Variants in WDFY4 observed in about 807,000 individuals in gnomAD.
WDFY4 encodes the protein WDFY family member 4, also known as WD repeat- and FYVE domain-containing protein 4.
Under a neutral mutation model 351.9 loss-of-function variants are expected in WDFY4, and 169 were observed. The ratio of observed to expected loss-of-function variants is 0.48; its 90% CI spans 0.42 to 0.55. WDFY4 has a LOEUF of 0.55. Among genes scored for constraint, WDFY4 ranks in the 20% least tolerant of loss-of-function variants. The probability of loss-of-function intolerance (pLI) is 0.00; values close to 1 mark genes in which losing one functional copy is unlikely to be tolerated. For missense variants in WDFY4, 3,803 were observed against 3,935.6 expected (o/e 0.97, Z 0.90); for synonymous variants, 1,622 against 1,574.6 (o/e 1.03, Z -0.71).
chr10:48,704,883 G>A (rs1300171664), intron 1 of WDFY4, among the ~76,000 whole-genome samples: 1 of 152,264 alleles, frequency 6.6e-6, no homozygotes, highest in African/African-American at 2.4e-5. Context: ...CCTGCACTAA[G>A]TAGGTGCCAG....
In WDFY4 at chr10:48,982,547, G is replaced by A. The variant is rs1211627713; in HGVS notation, c.9527G>A (p.Arg3176Lys). 1 of 1,541,432 alleles carries A rather than the reference G, an allele frequency of 6.5e-7. No individual in the cohort carries two copies. The highest frequency in any genetic ancestry group is 8.8e-7 in the Non-Finnish European group (1 of 1,140,508). Reference sequence around the variant, plus strand: ...CTCCTGGTTGGTGATGAGAGGGGGAGAATATTCTGCTGGTCTGCAGATGGG... The same window carrying A: ...CTCCTGGTTGGTGATGAGAGGGGGAAAATATTCTGCTGGTCTGCAGATGGG... ...TKLLVGDERG[R>K]IFCWSADG The change falls in exon 62 of 62, where the codon AGA becomes AAA. Residue 3176 changes from arginine to lysine, a missense_variant. By Grantham distance (26) the Arg-to-Lys change is conservative. Transcript: ENST00000325239.
rs748749978 is a variant in WDFY4 at position 48,774,641 on chromosome 10, G to T, written c.2737G>T (p.Ala913Ser). 7.7e-6 allele frequency: 12 copies of T among 1,551,740 alleles called. No homozygotes were observed. The South Asian group carries it at 1.3e-4, about 17-fold the overall frequency. Residue 913 changes from alanine (A) to serine (S), a missense_variant, in exon 14 of 62, where the codon GCT (alanine) becomes TCT (serine). This residue lies in a region of WDFY4 where 3,054 missense variants were observed against 3,148.6 expected (regional missense o/e 0.97). Transcript: ENST00000325239. Reference protein sequence around the residue: ...SRLIRIFEKLASQAIEPDVLR... With the variant: ...SRLIRIFEKLSSQAIEPDVLR... ...CCTCATCAGGATCTTTGAGAAGCTCGCTTCCCAGGCCATTGAACCGGATGT... is the reference window on the plus strand; with the variant it reads ...CCTCATCAGGATCTTTGAGAAGCTCTCTTCCCAGGCCATTGAACCGGATGT...
chr10:48,856,759 A>G (rs946740050), intron 39 of WDFY4, among the ~76,000 whole-genome samples: 2 of 152,186 alleles, frequency 1.3e-5, no homozygotes, highest in Non-Finnish European at 2.9e-5. Flanking sequence ...GAACATACAG[A>G]TAGCATATAT....
intron 1 of WDFY4, among the ~76,000 whole-genome samples, chr10:48,694,174 A>G (rs960222320): frequency 6.6e-6 from 1 of 152,176 alleles, no homozygotes; most frequent in Non-Finnish European, 1.5e-5. Context: ...AGGATCCTGC[A>G]AAGTTCCCCT....
intron 1 of WDFY4, among the ~76,000 whole-genome samples, chr10:48,708,175 G>A (rs543969096): frequency 2.0e-5 from 3 of 152,252 alleles, no homozygotes; most frequent in Admixed American, 6.5e-5. Context: ...TTTGTAATAA[G>A]AAAATTATTC....
chr10:48,927,536 A>T (rs547736902), intron 47 of WDFY4, among the ~76,000 whole-genome samples: 1 of 152,172 alleles, frequency 6.6e-6, no homozygotes, highest in African/African-American at 2.4e-5. Flanking sequence ...GGTTCACTTC[A>T]TTTGGCAATT....
intron 47 of WDFY4, among the ~76,000 whole-genome samples, chr10:48,933,765 G>A (rs915129423): frequency 2.0e-5 from 3 of 152,168 alleles, no homozygotes; most frequent in Non-Finnish European, 2.9e-5. Flanking sequence ...CAACAGAGTA[G>A]ACATGGGCGT....
At chr10:48,926,731 G>A (rs11101569) in intron 47 of WDFY4, among the ~76,000 whole-genome samples, 1 of 152,120 alleles carries the variant, frequency 6.6e-6, no homozygotes, top group African/African-American at 2.4e-5. Context: ...TATTTTAATA[G>A]CATTAATGGA....
chr10:48,728,809 C>T (rs1268651242), intron 7 of WDFY4, among the ~76,000 whole-genome samples: 2 of 152,192 alleles, frequency 1.3e-5, no homozygotes, highest in African/African-American at 4.8e-5. Context: ...GAGTTTTCCC[C>T]AGAATTCTTG....
intron 42 of WDFY4, 28 bp downstream of exon 42, chr10:48,875,168 A>T (rs1190102418): frequency 3.9e-6 from 5 of 1,282,280 alleles, no homozygotes; most frequent in Non-Finnish European, 1.0e-6. Context: ...TTTTTCCTTT[A>T]ATAGTTAAGC....
chr10:48,863,735 A>G (rs1469161900), intron 39 of WDFY4, among the ~76,000 whole-genome samples: 1 of 151,962 alleles, frequency 6.6e-6, no homozygotes, highest in East Asian at 1.9e-4. Flanking sequence ...GTCCGTTTTC[A>G]TATTGCTATA....
At chr10:48,773,402 C>T (rs542415018) in intron 13 of WDFY4, among the ~76,000 whole-genome samples, 1 of 152,294 alleles carries the variant, frequency 6.6e-6, no homozygotes, top group South Asian at 2.1e-4. Context: ...TGTGGACAGT[C>T]CTAAGAGTTT....
rs1461466089 is a variant in WDFY4, at chr10:48,966,546, A to T, written c.8457A>T (p.Pro2819=). ...VPKQLFTKPH[P]ARTAAGKPLP... ...TCTAGCTCTTTACCAAACCTCACCC[A>T]GCCAGGACTGCAGCAGGGAAGCCTC... is the stretch of plus-strand genomic sequence containing the variant. Residue 2819 remains proline, a synonymous_variant, in exon 55 of 62, where the codon CCA becomes CCT. Transcript: ENST00000325239. 5 of 1,551,944 alleles carry T rather than the reference A, an allele frequency of 3.2e-6. No homozygotes were observed. The South Asian group carries it at 4.8e-5, about 15-fold the overall frequency.
chr10:48,810,815 T>A (rs2067419780), intron 29 of WDFY4, 80 bp downstream of exon 29: 1 of 1,364,686 alleles, frequency 7.3e-7, no homozygotes, highest in South Asian at 1.6e-5. Context: ...GGCCCCTTCT[T>A]ATTTGAGACC....
chr10:48,966,906 G>T lies in WDFY4; in HGVS notation c.8584+233G>T. 1.1e-5 allele frequency: 6 copies of T among 557,462 alleles called. No homozygotes were observed. In the South Asian group the frequency reaches 1.5e-4, roughly 14 times the overall value. 34.5% of individuals were successfully genotyped at this position (557,462 alleles called of 1,614,324 possible). Reference sequence around the variant, plus strand: ...AAGACCCACGTCTCTCTGTCTTTCTGTCTGTCTCTCTCACACACATACACA... The same window carrying T: ...AAGACCCACGTCTCTCTGTCTTTCTTTCTGTCTCTCTCACACACATACACA... On this transcript the variant is annotated intron_variant, in intron 55 of 61. Coordinates refer to ENST00000325239, the MANE Select transcript of WDFY4 (RefSeq NM_001394531.1).
intron 31 of WDFY4, among the ~76,000 whole-genome samples, chr10:48,816,093 C>G (rs756152408): frequency 9.2e-5 from 14 of 152,036 alleles, no homozygotes; most frequent in Admixed American, 6.5e-5. Flanking sequence ...GTCTTCTTGA[C>G]CTAGTTTAGT....
chr10:48,838,529 G>T (rs547857188), intron 39 of WDFY4, among the ~76,000 whole-genome samples: 2 of 151,968 alleles, frequency 1.3e-5, no homozygotes, highest in Admixed American at 1.3e-4. Context: ...TGATGTTTTT[G>T]ACTATCCCCT....
At chr10:48,854,335 G>A (rs565562104) in intron 39 of WDFY4, among the ~76,000 whole-genome samples, 25 of 151,928 alleles carry the variant, frequency 1.6e-4, no homozygotes, top group South Asian at 1.0e-3. Flanking sequence ...TCTCAAACTC[G>A]TGAGCTCCAG....
At chr10:48,801,639 G>A (rs968153348) in intron 24 of WDFY4, 1 of 378,932 alleles carries the variant, frequency 2.6e-6, no homozygotes, top group Non-Finnish European at 5.4e-6. Flanking sequence ...AAAAAAGCAG[G>A]AAATCTGTCA....
Sources: allele counts gnomAD v4.1 joint callset (sites outside exome capture counted in the v4.1 genomes callset), GRCh38; gene constraint gnomAD v4.1.1; regional missense constraint gnomAD v4.1.1; transcripts MANE v1.5; gene names NCBI Gene and HGNC (gene_info 2026-07-23, HGNC 2026-07-21).